MAD1L1: variants seen among roughly 807,000 people sequenced by gnomAD.
MAD1L1 encodes mitotic arrest deficient 1 like 1, also known as mitotic spindle assembly checkpoint protein MAD1.
A neutral mutation model predicts 96.9 loss-of-function variants in MAD1L1; 95 were observed. The observed-to-expected ratio is 0.98, with a 90% CI of 0.83 to 1.16. The LOEUF is 1.16. Ranked by LOEUF, MAD1L1 falls within the 50% of genes most tolerant of loss-of-function variation. The pLI, the probability that MAD1L1 is intolerant of heterozygous loss-of-function variation, is 0.00. For missense variants in MAD1L1, 1,007 were observed against 954.4 expected, an observed-to-expected ratio of 1.06 and a Z score of -0.73; for synonymous variants, 473 against 396.6, an observed-to-expected ratio of 1.19 and a Z score of -2.29.
At chr7:1,972,345 G>A (rs1032908074) in intron 15 of MAD1L1, among the ~76,000 whole-genome samples, 3 of 152,270 alleles carry the variant, frequency 2.0e-5, no homozygotes, top group South Asian at 2.1e-4. Flanking sequence ...GATATCCTTC[G>A]CATCTTTATG....
intron 10 of MAD1L1, among the ~76,000 whole-genome samples, chr7:2,176,822 A>G (rs759915210): frequency 5.9e-5 from 9 of 152,224 alleles, no homozygotes; most frequent in Non-Finnish European, 4.4e-5. Flanking sequence ...ACAGTCTTCA[A>G]AATTCTACTC....
intron 11 of MAD1L1, among the ~76,000 whole-genome samples, chr7:2,084,457 C>T (rs368445336): frequency 9.2e-5 from 14 of 152,238 alleles, no homozygotes; most frequent in East Asian, 1.9e-4. Context: ...CCTGCGCCCA[C>T]GCAGACGTGC....
intron 11 of MAD1L1, among the ~76,000 whole-genome samples, chr7:2,092,822 G>A (rs952247053): frequency 6.6e-6 from 1 of 152,050 alleles, no homozygotes; most frequent in Non-Finnish European, 1.5e-5. Flanking sequence ...TTTCTCTTAT[G>A]GATTTCCTTT....
At chr7:2,144,516 G>T (rs1424233250) in intron 11 of MAD1L1, among the ~76,000 whole-genome samples, 1 of 152,162 alleles carries the variant, frequency 6.6e-6, no homozygotes, top group African/African-American at 2.4e-5. Flanking sequence ...CGAGCCCTCA[G>T]AGCACGCTGG....
At chr7:1,832,839 C>T (rs1257115319) in intron 18 of MAD1L1, among the ~76,000 whole-genome samples, 3 of 151,992 alleles carry the variant, frequency 2.0e-5, no homozygotes, top group Admixed American at 1.3e-4. Flanking sequence ...ACCATGTTGG[C>T]CAGGCTGGTC....
chr7:2,231,562 G>A (rs1203320575), intron 1 of MAD1L1, among the ~76,000 whole-genome samples: 1 of 151,874 alleles, frequency 6.6e-6, no homozygotes, highest in Non-Finnish European at 1.5e-5. Context: ...AACTGAGATC[G>A]CGCCACTGCA....
intron 12 of MAD1L1, among the ~76,000 whole-genome samples, chr7:2,023,684 C>A (rs1372600360): frequency 6.6e-6 from 1 of 152,230 alleles, no homozygotes; most frequent in Non-Finnish European, 1.5e-5. Flanking sequence ...TACAGTGGCT[C>A]ACGCCTGTTA....
chr7:2,225,061 A>T (rs943085979), intron 4 of MAD1L1, among the ~76,000 whole-genome samples: 1 of 152,224 alleles, frequency 6.6e-6, no homozygotes, highest in African/African-American at 2.4e-5. Context: ...ATGAACAGAC[A>T]CAGCAAGTGT....
At chr7:2,177,158 C>T (rs889246149) in intron 10 of MAD1L1, among the ~76,000 whole-genome samples, 3 of 152,190 alleles carry the variant, frequency 2.0e-5, no homozygotes, top group Admixed American at 6.5e-5. Flanking sequence ...TTTCTGTATC[C>T]GAGTCCTTCA....
intron 12 of MAD1L1, among the ~76,000 whole-genome samples, chr7:2,064,443 G>A (rs2128525829): frequency 6.6e-6 from 1 of 152,338 alleles, no homozygotes; most frequent in South Asian, 2.1e-4. Flanking sequence ...TCAGGAAGCG[G>A]CTCTGGCCCC....
chr7:1,909,148 C>T (rs116694354), intron 17 of MAD1L1, among the ~76,000 whole-genome samples: 2,622 of 152,296 alleles, frequency 0.017, 72 homozygotes, highest in African/African-American at 0.055. Flanking sequence ...TAGTAGGTGA[C>T]GCAGAGGCCT....
intron 12 of MAD1L1, among the ~76,000 whole-genome samples, chr7:2,020,190 G>A (rs1164092272): frequency 6.6e-6 from 1 of 152,190 alleles, no homozygotes; most frequent in Non-Finnish European, 1.5e-5. Context: ...TCAGCGCCCA[G>A]CCCGGGGAGG....
chr7:2,087,988 T>A (rs1306685372), intron 11 of MAD1L1, among the ~76,000 whole-genome samples: 1 of 152,178 alleles, frequency 6.6e-6, no homozygotes, highest in Non-Finnish European at 1.5e-5. Context: ...AAGCTGCCAC[T>A]TCCCCTCTCA....
intron 18 of MAD1L1, 76 bp downstream of exon 18, chr7:1,898,124 A>T (rs767238653): frequency 1.4e-6 from 2 of 1,460,076 alleles, no homozygotes; most frequent in African/African-American, 2.8e-5. Flanking sequence ...TCCTTTGCTG[A>T]GGGCTACGGT....
rs1381224097 is a variant in MAD1L1 at position 2,230,154 on chromosome 7, C to G, written c.-10-11G>C. On this transcript the variant is annotated splice_polypyrimidine_tract_variant and intron_variant, in intron 2 of 18. Transcript: ENST00000265854. ...TCCATGGTTGCTTTCCTTCCGGGGA[C>G]AGACAAAGGACTGGTCAGGGGCAGC... is the stretch of plus-strand genomic sequence containing the variant. 1 of 1,573,864 alleles carries G rather than the reference C, an allele frequency of 6.4e-7. No homozygotes were observed. Among genetic ancestry groups the G allele is most frequent in the South Asian group, 1.2e-5 (1 of 86,048 alleles).
chr7:2,116,084 G>T (rs931931860), intron 11 of MAD1L1, among the ~76,000 whole-genome samples: 3 of 152,236 alleles, frequency 2.0e-5, no homozygotes, highest in African/African-American at 4.8e-5. Context: ...CTAAATAAGG[G>T]CCAAGGTGAC....
chr7:1,899,550 A>T (rs986061052), intron 17 of MAD1L1, among the ~76,000 whole-genome samples: 3 of 152,206 alleles, frequency 2.0e-5, no homozygotes, highest in African/African-American at 4.8e-5. Flanking sequence ...GAGAAAGAGG[A>T]TGTTAAAGTC....
intron 17 of MAD1L1, among the ~76,000 whole-genome samples, chr7:1,902,863 C>T (rs10950429): frequency 6.9e-6 from 1 of 144,464 alleles, no homozygotes; most frequent in East Asian, 2.1e-4. Context: ...TCTTGCGGAA[C>T]TCATGATTGA....
chr7:1,926,268 C>T (rs1451218467), intron 17 of MAD1L1, among the ~76,000 whole-genome samples: 4 of 152,198 alleles, frequency 2.6e-5, no homozygotes, highest in Non-Finnish European at 5.9e-5. Flanking sequence ...CCTGCCACAA[C>T]CACAATCCCT....
Sources: gnomAD v4.1 joint callset for allele counts (sites outside exome capture counted in the v4.1 genomes callset) on GRCh38, gnomAD v4.1.1 for gene constraint, MANE v1.5 for transcripts, NCBI Gene and HGNC (gene_info 2026-07-23, HGNC 2026-07-21) for gene names.